Variants in MLNR observed in about 807,000 individuals in gnomAD.
The protein encoded by MLNR is motilin receptor, also known as G protein-coupled receptor 38.
A neutral mutation model predicts 20.0 loss-of-function variants in MLNR; 16 were observed. The ratio of observed to expected loss-of-function variants is 0.80; its 90% CI spans 0.54 to 1.22. The LOEUF is 1.22. Among genes scored for constraint, MLNR ranks in the 50% most tolerant of loss-of-function variants. The pLI, the probability that MLNR is intolerant of heterozygous loss-of-function variation, is 0.00. For synonymous variants in MLNR, 302 were observed against 287.2 expected, an observed-to-expected ratio of 1.05 and a Z score of -0.52; for missense variants, 630 against 592.3, an observed-to-expected ratio of 1.06 and a Z score of -0.66.
In MLNR at chr13:49,221,059, A is replaced by C; in HGVS notation, c.722A>C (p.Gln241Pro). ...CGCGAATGCCGGCCGAGCCCCGCGC[A>C]GCTGGGCGCGCTGCGTGTCATGCTG... The part of the protein sequence containing the change: ...FSRECRPSPA[Q>P]LGALRVMLWV... Residue 241 changes from glutamine to proline, a missense_variant, in exon 1 of 2, where the codon CAG (glutamine) becomes CCG (proline). Physicochemically the swap from Gln to Pro is moderately conservative, Grantham distance 76 (BLOSUM62 -1). Transcript: ENST00000218721. 1 of 1,575,770 alleles carries C rather than the reference A, an allele frequency of 6.3e-7. No individual in the cohort carries two copies. Among genetic ancestry groups the C allele is most frequent in the South Asian group, 1.1e-5 (1 of 88,520 alleles).
At position 49,221,248 on chromosome 13, in the gene MLNR, G is replaced by A; in HGVS notation, c.901+10G>A. 1 of 1,558,418 alleles carries A rather than the reference G, an allele frequency of 6.4e-7. No individual in the cohort carries two copies. On this transcript the variant is annotated intron_variant, in intron 1 of 1. Transcript: ENST00000218721. ...ACCGTCCGCGTCCTGCGTAAGTGGA[G>A]CCGCCGTGGTTCCAAAGACGCCTGC... is the stretch of plus-strand genomic sequence containing the variant.
chr13:49,220,862 C>G lies in MLNR; in HGVS notation c.525C>G (p.Phe175Leu). 1 of 1,577,804 alleles carries G rather than the reference C, an allele frequency of 6.3e-7. No homozygotes were observed. The highest frequency in any genetic ancestry group is 1.2e-5 in the South Asian group (1 of 85,766). Residue 175 changes from phenylalanine (F) to leucine (L), a missense_variant, in exon 1 of 2, where the codon TTC becomes TTG. Physicochemically the swap from Phe to Leu is conservative, Grantham distance 22. Coordinates refer to ENST00000218721, the MANE Select transcript of MLNR (RefSeq NM_001507.1). The surrounding 1 kb of genome is among the most constrained non-coding windows in gnomAD (Gnocchi z 4.4). ...TGCTCTCTGCCGGTCCCTTCTTGTT[C>G]CTGGTGGGCGTCGAGCAGGACCCCG... is the stretch of plus-strand genomic sequence containing the variant. The part of the protein sequence containing the change: ...VALLSAGPFL[F>L]LVGVEQDPGI...
chr13:49,220,708 C>A lies in MLNR; in HGVS notation c.371C>A (p.Ala124Asp). 1 of 1,594,462 alleles carries A rather than the reference C, an allele frequency of 6.3e-7. No homozygotes were observed. The highest frequency in any genetic ancestry group is 1.7e-5 in the Admixed American group (1 of 57,578). ...TACGTGGGCGAGGGCTGCACCTACGCCACGCTGCTGCACATGACCGCGCTC... is the reference window on the plus strand; with the variant it reads ...TACGTGGGCGAGGGCTGCACCTACGACACGCTGCTGCACATGACCGCGCTC... The part of the protein sequence containing the change: ...SLYVGEGCTY[A>D]TLLHMTALSV... Residue 124 changes from alanine (A) to aspartate (D), a missense_variant, in exon 1 of 2, where the codon GCC becomes GAC. Ala to Asp is a moderately radical substitution (Grantham distance 126). Coordinates refer to ENST00000218721, the MANE Select transcript of MLNR (RefSeq NM_001507.1). The surrounding 1 kb of genome is among the most constrained non-coding windows in gnomAD (Gnocchi z 4.4).
Position 49,221,176 on chromosome 13 carries a change from C to T in MLNR, c.839C>T (p.Pro280Leu), listed in dbSNP as rs1260514611. The change falls in exon 1 of 2, where the codon CCG becomes CTG. Residue 280 changes from proline to leucine, a missense_variant. Transcript: ENST00000218721. Reference protein sequence around the residue: ...IGRELWSSRRPLRGPAASGRE... With the variant: ...IGRELWSSRRLLRGPAASGRE... ...CGGGAGCTGTGGAGCAGCCGGCGGC[C>T]GCTGCGAGGCCCGGCCGCCTCGGGG... 2.5e-6 allele frequency: 4 copies of T among 1,586,346 alleles called. No homozygotes were observed. Among genetic ancestry groups the T allele is most frequent in the Non-Finnish European group, 3.4e-6 (4 of 1,175,102 alleles).
Position 49,222,042 on chromosome 13 carries a change from G to A in MLNR, c.904G>A (p.Val302Met), listed in dbSNP as rs767588189. 71 of 1,612,868 alleles carry A rather than the reference G, an allele frequency of 4.4e-5. No homozygotes were observed. The highest frequency in any genetic ancestry group is 5.9e-5 in the Non-Finnish European group (70 of 1,179,136). ...CGGTGCTGTGTCTTATGTTGCAGTG[G>A]TGGTGGTTCTGGCATTTATAATTTG... is the stretch of plus-strand genomic sequence containing the variant. ...GHRQTVRVLLVVVLAFIICWL... is the reference protein window; with the variant it reads ...GHRQTVRVLLMVVLAFIICWL... Residue 302 changes from valine (V) to methionine (M), a missense_variant and splice_region_variant, in exon 2 of 2, where the codon GTG (valine) becomes ATG (methionine). Transcript: ENST00000218721.
In MLNR at chr13:49,221,010, G is replaced by A. The variant is rs374254248; in HGVS notation, c.673G>A (p.Ala225Thr). The change falls in exon 1 of 2, where the codon GCG (alanine) becomes ACG (threonine). Residue 225 changes from alanine (A) to threonine (T), a missense_variant. Ala to Thr is a moderately conservative substitution (Grantham distance 58). Coordinates refer to ENST00000218721, the MANE Select transcript of MLNR (RefSeq NM_001507.1). Reference protein sequence around the residue: ...PPSPPSGPETAEAAALFSREC... With the variant: ...PPSPPSGPETTEAAALFSREC... Reference sequence around the variant, plus strand: ...GTCCCCGCCGTCGGGGCCCGAGACCGCGGAGGCCGCGGCGCTGTTCAGCCG... The same window carrying A: ...GTCCCCGCCGTCGGGGCCCGAGACCACGGAGGCCGCGGCGCTGTTCAGCCG... 95 of 1,532,150 alleles carry A rather than the reference G, an allele frequency of 6.2e-5. No homozygotes were observed. Among genetic ancestry groups the A allele is most frequent in the South Asian group, 1.5e-4 (12 of 81,920 alleles). 94.9% of individuals were successfully genotyped at this position (1,532,150 alleles called of 1,614,324 possible).
At chr13:49,222,008 T>C in intron 1 of MLNR, 32 bp from the exon 2 acceptor site, 2 of 1,583,916 alleles carry the variant, frequency 1.3e-6, no homozygotes. Context: ...CCAATGCTTT[T>C]GTTAATCCCG....
At position 49,220,475 on chromosome 13, in the gene MLNR, G is replaced by GTGCC; in HGVS notation, c.141_144dup (p.Phe49ProfsTer290). The GTGCC allele has an allele frequency of 6.3e-7, 1 of 1,582,282 alleles. No individual in the cohort carries two copies. Among genetic ancestry groups the GTGCC allele is most frequent in the South Asian group, 1.1e-5 (1 of 87,178 alleles). On this transcript the variant is annotated frameshift_variant, in exon 1 of 2. Coordinates refer to ENST00000218721, the MANE Select transcript of MLNR (RefSeq NM_001507.1). LOFTEE classifies it high-confidence loss of function. The surrounding 1 kb of genome is among the most constrained non-coding windows in gnomAD (Gnocchi z 4.4). Reference sequence around the variant, plus strand: ...TGGTGCCGGTGACCGCTGTGTGCCTGTGCCTGTTCGTCGTCGGGGTGAGCG... The same window carrying GTGCC: ...TGGTGCCGGTGACCGCTGTGTGCCTGTGCCTGCCTGTTCGTCGTCGGGGTGAGCG...
In MLNR at chr13:49,220,586, C is replaced by T. The variant is rs527648295; in HGVS notation, c.249C>T (p.Ser83=). 9 of 1,613,282 alleles carry T rather than the reference C, an allele frequency of 5.6e-6. No individual in the cohort carries two copies. The Admixed American group carries it at 6.7e-5, about 12-fold the overall frequency. Residue 83 remains serine (S), a synonymous_variant, in exon 1 of 2, where the codon TCC becomes TCT. Coordinates refer to ENST00000218721, the MANE Select transcript of MLNR (RefSeq NM_001507.1). This position sits in a 1 kb window ranked among gnomAD's most constrained non-coding sequence, Gnocchi z 4.4. ...TNLYLGSMAV[S]DLLILLGLPF... is the part of the protein sequence containing the mutation. ...TGTACCTGGGCAGCATGGCCGTGTCCGACCTACTCATCCTGCTCGGGCTGC... is the reference window on the plus strand; with the variant it reads ...TGTACCTGGGCAGCATGGCCGTGTCTGACCTACTCATCCTGCTCGGGCTGC...
Position 49,222,118 on chromosome 13 carries a change from C to T in MLNR, c.980C>T (p.Ser327Leu), listed in dbSNP as rs199520698. 4 of 1,614,070 alleles carry T rather than the reference C, an allele frequency of 2.5e-6. No homozygotes were observed. Among genetic ancestry groups the T allele is most frequent in the East Asian group, 2.2e-5 (1 of 44,882 alleles). ...GRIIYINTED[S>L]RMMYFSQYFN... ...ATCATTTACATAAACACGGAAGATT[C>T]GCGGATGATGTACTTCTCTCAGTAC... The change falls in exon 2 of 2, where the codon TCG (serine) becomes TTG (leucine). Residue 327 changes from serine to leucine, a missense_variant. Coordinates refer to ENST00000218721, the MANE Select transcript of MLNR (RefSeq NM_001507.1).
chr13:49,221,968 C>T lies in MLNR; in HGVS notation c.902-72C>T. Reference sequence around the variant, plus strand: ...CTGTTACTTGTTATTGCAGATGGTTCCTTGTCGGGGTGGGGGGTTTATTTG... The same window carrying T: ...CTGTTACTTGTTATTGCAGATGGTTTCTTGTCGGGGTGGGGGGTTTATTTG... On this transcript the variant is annotated intron_variant, in intron 1 of 1. Transcript: ENST00000218721. 9.6e-6 allele frequency: 13 copies of T among 1,358,654 alleles called. No individual in the cohort carries two copies. In the South Asian group the frequency reaches 1.7e-4, roughly 18 times the overall value. The allele number at this position is 1,358,654 out of a possible 1,614,324, so 84.2% of individuals were successfully genotyped here.
At chr13:49,221,943 C>T (rs1212238243) in intron 1 of MLNR, 97 bp from the exon 2 acceptor site, 27 of 1,100,732 alleles carry the variant, frequency 2.5e-5, no homozygotes, top group East Asian at 4.7e-5. Flanking sequence ...ATTTATTTTG[C>T]TGTTACTTGT....
chr13:49,220,761 C>T lies in MLNR; in HGVS notation c.424C>T (p.Arg142Cys), dbSNP rs765896205. The T allele has an allele frequency of 2.6e-6, 4 of 1,568,568 alleles. No individual in the cohort carries two copies. Among genetic ancestry groups the T allele is most frequent in the Non-Finnish European group, 3.5e-6 (4 of 1,158,154 alleles). Reference protein sequence around the residue: ...LSVERYLAICRPLRARVLVTR... With the variant: ...LSVERYLAICCPLRARVLVTR... The stretch of plus-strand genomic sequence containing the variant: ...CGTCGAGCGCTACCTGGCCATCTGC[C>T]GCCCGCTCCGCGCCCGCGTCTTGGT... Residue 142 changes from arginine to cysteine, a missense_variant, in exon 1 of 2, where the codon CGC (arginine) becomes TGC (cysteine). Physicochemically the swap from Arg to Cys is radical, Grantham distance 180 (BLOSUM62 -3). Transcript: ENST00000218721. This position sits in a 1 kb window ranked among gnomAD's most constrained non-coding sequence, Gnocchi z 4.4.
In MLNR at chr13:49,222,331, C is replaced by T. The variant is rs200347707; in HGVS notation, c.1193C>T (p.Thr398Met). Residue 398 changes from threonine to methionine, a missense_variant, in exon 2 of 2, where the codon ACG becomes ATG. Thr to Met is a moderately conservative substitution (Grantham distance 81). Coordinates refer to ENST00000218721, the MANE Select transcript of MLNR (RefSeq NM_001507.1). Reference sequence around the variant, plus strand: ...GTTGCAGGGGACACTGGAGGAGACACGGTGGGCTACACCGAGACAAGCGCT... The same window carrying T: ...GTTGCAGGGGACACTGGAGGAGACATGGTGGGCTACACCGAGACAAGCGCT... ...GEVAGDTGGD[T>M]VGYTETSANV... The T allele has an allele frequency of 8.1e-6, 13 of 1,610,408 alleles. No individual in the cohort carries two copies. Among genetic ancestry groups the T allele is most frequent in the Non-Finnish European group, 9.3e-6 (11 of 1,178,796 alleles).
intron 1 of MLNR, 29 bp from the exon 2 acceptor site, chr13:49,222,011 T>C: frequency 6.3e-7 from 1 of 1,587,816 alleles, no homozygotes. Flanking sequence ...ATGCTTTTGT[T>C]AATCCCGGTG....
rs1566339227 is a variant in MLNR at position 49,220,533 on chromosome 13, T to C, written c.196T>C (p.Tyr66His). 1 of 1,611,406 alleles carries C rather than the reference T, an allele frequency of 6.2e-7. No homozygotes were observed. Among genetic ancestry groups the C allele is most frequent in the African/African-American group, 1.3e-5 (1 of 74,904 alleles). ...GGTGACCGTGATGCTGATCGGGCGC[T>C]ACCGGGACATGCGGACCACCACCAA... The part of the protein sequence containing the change: ...NVVTVMLIGR[Y>H]RDMRTTTNLY... The change falls in exon 1 of 2, where the codon TAC becomes CAC. Residue 66 changes from tyrosine to histidine, a missense_variant. Coordinates refer to ENST00000218721, the MANE Select transcript of MLNR (RefSeq NM_001507.1). The surrounding 1 kb of genome is among the most constrained non-coding windows in gnomAD (Gnocchi z 4.4).
chr13:49,220,586 C>A lies in MLNR; in HGVS notation c.249C>A (p.Ser83=). The change falls in exon 1 of 2, where the codon TCC becomes TCA. Residue 83 remains serine (S), a synonymous_variant. Transcript: ENST00000218721. The surrounding 1 kb of genome is among the most constrained non-coding windows in gnomAD (Gnocchi z 4.4). ...TNLYLGSMAV[S]DLLILLGLPF... is the part of the protein sequence containing the mutation. ...TGTACCTGGGCAGCATGGCCGTGTC[C>A]GACCTACTCATCCTGCTCGGGCTGC... 1 of 1,613,282 alleles carries A rather than the reference C, an allele frequency of 6.2e-7. No individual in the cohort carries two copies. Among genetic ancestry groups the A allele is most frequent in the African/African-American group, 1.3e-5 (1 of 74,988 alleles).
intron 1 of MLNR, 48 bp downstream of exon 1, chr13:49,221,286 C>T: frequency 6.6e-7 from 1 of 1,524,640 alleles, no homozygotes; most frequent in Non-Finnish European, 8.8e-7. Flanking sequence ...GCAGTCCGCC[C>T]CGCCGGGGAC....
At position 49,222,298 on chromosome 13, in the gene MLNR, C is replaced by A. The variant is rs574134980; in HGVS notation, c.1160C>A (p.Ala387Glu). The A allele has an allele frequency of 8.1e-6, 13 of 1,613,708 alleles. No individual in the cohort carries two copies. In the African/African-American group the frequency reaches 1.1e-4, roughly 13 times the overall value. ...GGCTTCCACAGAAGCAGGGACACTGCGGGGGAAGTTGCAGGGGACACTGGA... is the reference window on the plus strand; with the variant it reads ...GGCTTCCACAGAAGCAGGGACACTGAGGGGGAAGTTGCAGGGGACACTGGA... ...PRGFHRSRDT[A>E]GEVAGDTGGD... is the part of the protein sequence containing the mutation. The change falls in exon 2 of 2, where the codon GCG becomes GAG. Residue 387 changes from alanine (A) to glutamate (E), a missense_variant. Coordinates refer to ENST00000218721, the MANE Select transcript of MLNR (RefSeq NM_001507.1).
Sources: gnomAD v4.1 joint callset for allele counts on GRCh38, gnomAD v4.1.1 for gene constraint, Gnocchi (gnomAD v3.1) non-coding constraint, MANE v1.5 for transcripts, NCBI Gene and HGNC (gene_info 2026-07-23, HGNC 2026-07-21) for gene names.